Variants in TMEM108 observed in about 807,000 individuals in gnomAD.
TMEM108 encodes the protein transmembrane protein 108, also known as cancer/testis antigen 124.
A neutral mutation model predicts 35.1 loss-of-function variants in TMEM108; 12 were observed. That is an observed-to-expected ratio of 0.34 (90% CI 0.22 to 0.55). The LOEUF is 0.55. Among genes scored for constraint, TMEM108 ranks in the 20% least tolerant of loss-of-function variants. TMEM108 has a pLI of 0.89. For missense variants in TMEM108, 680 were observed against 753.3 expected, an observed-to-expected ratio of 0.90 and a Z score of 1.14; for synonymous variants, 287 against 308.6, an observed-to-expected ratio of 0.93 and a Z score of 0.73.
chr3:133,092,745 G>A (rs949092815), intron 2 of TMEM108, among the ~76,000 whole-genome samples: 4 of 152,046 alleles, frequency 2.6e-5, no homozygotes, highest in African/African-American at 4.8e-5. Context: ...CCTATTGTGG[G>A]ACATGTCCAT....
intron 2 of TMEM108, among the ~76,000 whole-genome samples, chr3:133,181,100 T>C (rs1056223916): frequency 6.6e-6 from 1 of 151,062 alleles, no homozygotes; most frequent in Non-Finnish European, 1.5e-5. Flanking sequence ...TTCTCAATTG[T>C]CTTTCGATAA....
intron 2 of TMEM108, among the ~76,000 whole-genome samples, chr3:133,130,147 G>T (rs1444458874): frequency 6.6e-6 from 1 of 152,028 alleles, no homozygotes; most frequent in Non-Finnish European, 1.5e-5. Flanking sequence ...TATCATTTTG[G>T]TTTTTAAGAA....
intron 2 of TMEM108, among the ~76,000 whole-genome samples, chr3:133,183,601 A>C (rs1945378864): frequency 6.6e-6 from 1 of 152,192 alleles, no homozygotes. Context: ...AGAAGTGAGC[A>C]CAAGTAGCAT....
intron 3 of TMEM108, among the ~76,000 whole-genome samples, chr3:133,268,850 A>T (rs1449189488): frequency 6.6e-6 from 1 of 152,234 alleles, no homozygotes; most frequent in African/African-American, 2.4e-5. Context: ...GAAAGCTACA[A>T]GATAATGCAC....
At chr3:133,341,805 G>T (rs113462116) in intron 3 of TMEM108, among the ~76,000 whole-genome samples, 6,684 of 151,870 alleles carry the variant, frequency 0.044, 493 homozygotes, top group African/African-American at 0.15. Flanking sequence ...TTCAATAAAT[G>T]GTGCTGGAAA....
intron 3 of TMEM108, among the ~76,000 whole-genome samples, chr3:133,253,820 T>C (rs1946505981): frequency 6.6e-6 from 1 of 152,228 alleles, no homozygotes; most frequent in Non-Finnish European, 1.5e-5. Flanking sequence ...TCTGAGCATC[T>C]CTTGGGCATA....
intron 2 of TMEM108, among the ~76,000 whole-genome samples, chr3:133,193,389 G>T (rs998909369): frequency 6.6e-6 from 1 of 152,110 alleles, no homozygotes; most frequent in South Asian, 2.1e-4. Flanking sequence ...GTGGGCATTT[G>T]GTAGGTTTGG....
intron 2 of TMEM108, chr3:133,119,276 C>T (rs1266036978): frequency 6.6e-6 from 1 of 152,132 alleles, no homozygotes; most frequent in African/African-American, 2.4e-5. Context: ...CACTCCCCTC[C>T]ACCCACTCTC....
At chr3:133,082,766 C>G (rs1356561657) in intron 2 of TMEM108, among the ~76,000 whole-genome samples, 1 of 152,030 alleles carries the variant, frequency 6.6e-6, no homozygotes, top group Non-Finnish European at 1.5e-5. Context: ...ATCCTTTGGC[C>G]TCAGCTTCCC....
At chr3:133,165,747 C>T (rs1396559306) in intron 2 of TMEM108, among the ~76,000 whole-genome samples, 1 of 152,166 alleles carries the variant, frequency 6.6e-6, no homozygotes, top group Non-Finnish European at 1.5e-5. Flanking sequence ...TTATGTTAAA[C>T]AGGTTGGCTA....
At chr3:133,318,279 TG>T (rs1287002645) in intron 3 of TMEM108, among the ~76,000 whole-genome samples, 1 of 152,176 alleles carries the variant, frequency 6.6e-6, no homozygotes, top group Non-Finnish European at 1.5e-5. Context: ...GACACTACAC[TG>T]GTACTTTCAC....
intron 3 of TMEM108, among the ~76,000 whole-genome samples, chr3:133,334,789 T>A (rs2071460578): frequency 6.6e-6 from 1 of 152,208 alleles, no homozygotes. Flanking sequence ...TAAATGACAT[T>A]TTAGGCATAA....
chr3:133,345,348 T>G (rs550831014), intron 3 of TMEM108, among the ~76,000 whole-genome samples: 1 of 151,674 alleles, frequency 6.6e-6, no homozygotes, highest in Non-Finnish European at 1.5e-5. Context: ...TACAGAAAAA[T>G]TATTTGATAA....
At chr3:133,354,801 ATTT>A (rs10536121) in intron 3 of TMEM108, among the ~76,000 whole-genome samples, 49,947 of 149,976 alleles carry the variant, frequency 0.33, 8,749 homozygotes, top group East Asian at 0.48. Flanking sequence ...TCATATAACC[ATTT>A]TTTTTTCAAA....
chr3:133,382,283 A>G (rs1314831795), intron 4 of TMEM108, among the ~76,000 whole-genome samples: 1 of 152,124 alleles, frequency 6.6e-6, no homozygotes, highest in Non-Finnish European at 1.5e-5. Context: ...GGGGGCCTAA[A>G]GTTTGCCTTC....
chr3:133,352,217 G>C (rs896067845), intron 3 of TMEM108, among the ~76,000 whole-genome samples: 1 of 152,148 alleles, frequency 6.6e-6, no homozygotes, highest in Non-Finnish European at 1.5e-5. Context: ...GCCCATGTGT[G>C]ATAGGGAGTC....
chr3:133,257,848 C>T (rs1266111267), intron 3 of TMEM108, among the ~76,000 whole-genome samples: 1 of 152,136 alleles, frequency 6.6e-6, no homozygotes, highest in African/African-American at 2.4e-5. Context: ...CAACAACTTA[C>T]TTAGTGTATA....
chr3:133,138,029 AT>A (rs1306054484), intron 2 of TMEM108, among the ~76,000 whole-genome samples: 3 of 152,234 alleles, frequency 2.0e-5, no homozygotes, highest in African/African-American at 7.2e-5. Context: ...TGTTATACAG[AT>A]TAAAATGTTA....
chr3:133,056,567 G>T (rs1943468484), intron 2 of TMEM108, among the ~76,000 whole-genome samples: 1 of 152,118 alleles, frequency 6.6e-6, no homozygotes, highest in South Asian at 2.1e-4. Flanking sequence ...ATACGTGCTT[G>T]CTGATGAAGT....
Sources: allele counts gnomAD v4.1 joint callset (sites outside exome capture counted in the v4.1 genomes callset), GRCh38; gene constraint gnomAD v4.1.1; transcripts MANE v1.5; gene names NCBI Gene and HGNC (gene_info 2026-07-23, HGNC 2026-07-21).